The following BRCA1 variants were observed in gnomAD, a reference collection of about 807,000 sequenced individuals.
The protein encoded by BRCA1 is breast cancer type 1 susceptibility protein.
In BRCA1, 140 loss-of-function variants were observed where a neutral mutation model predicts 173.7. That is an observed-to-expected ratio of 0.81 (90% confidence interval 0.70 to 0.93). The LOEUF (loss-of-function observed/expected upper bound fraction) is 0.93. Ranked by LOEUF, BRCA1 falls within the 40% of genes least tolerant of loss-of-function variation. BRCA1 has a pLI of 0.00. For synonymous variants in BRCA1, 662 were observed against 756.0 expected, an observed-to-expected ratio of 0.88 and a Z score of 2.04; for missense variants, 1,983 against 2,172.5, an observed-to-expected ratio of 0.91 and a Z score of 1.73.
In BRCA1 at chr17:43,094,536, C is replaced by T. The variant is rs80357464; in HGVS notation, c.995G>A (p.Arg332Gln). 1.1e-5 allele frequency: 18 copies of T among 1,614,032 alleles called. No homozygotes were observed. The highest frequency in any genetic ancestry group is 8.9e-5 in the East Asian group (4 of 44,886). Residue 332 changes from arginine to glutamine, a missense_variant, in exon 10 of 23, where the codon CGG (arginine) becomes CAG (glutamine). By Grantham distance (43) the Arg-to-Gln change is conservative. Coordinates refer to ENST00000357654, the MANE Select transcript of BRCA1 (RefSeq NM_007294.4). ...AGSKETCNDR[R>Q]TPSTEKKVDL... ...TACCTTTTTTTCTGTGCTGGGAGTC[C>T]GCCTATCATTACATGTTTCCTTACT... is the stretch of plus-strand genomic sequence containing the variant.
At chr17:43,146,299 CTTTTTTTTTTTTTTTT>C (rs774223347) in intron 1 of BRCA1, among the ~76,000 whole-genome samples, 1 of 76,114 alleles carries the variant, frequency 1.3e-5, no homozygotes, top group African/African-American at 6.1e-5. Flanking sequence ...ATTTTTGTTA[CTTTTTTTTTTTTTTTT>C]TTTTTTTTTT....
At position 43,099,876 on chromosome 17, in the gene BRCA1, T is replaced by G. The variant is rs397507233; in HGVS notation, c.446A>C (p.Glu149Ala). ...QSEPENPSLQ[E>A]TSLSVQLSNL... ...AGAGAGTTGGACACTGAGACTGGTT[T>G]CCTGCTAAACAGTATGGTAAAGAAC... The change falls in exon 7 of 23, where the codon GAA (glutamate) becomes GCA (alanine). Residue 149 changes from glutamate (E) to alanine (A), a missense_variant. Physicochemically the swap from Glu to Ala is moderately radical, Grantham distance 107. Transcript: ENST00000357654. The G allele has an allele frequency of 9.9e-6, 16 of 1,610,368 alleles. No homozygotes were observed. The East Asian group carries it at 3.3e-4, about 34-fold the overall frequency.
chr17:43,068,506 T>C (rs2052246711), intron 15 of BRCA1, among the ~76,000 whole-genome samples: 1 of 149,794 alleles, frequency 6.7e-6, no homozygotes, highest in South Asian at 2.1e-4. Flanking sequence ...AGCTCAAGAG[T>C]CTGAGACCAA....
At chr17:43,077,335 C>CTTT (rs68171917) in intron 12 of BRCA1, among the ~76,000 whole-genome samples, 1 of 145,670 alleles carries the variant, frequency 6.9e-6, no homozygotes, top group Non-Finnish European at 1.5e-5. Flanking sequence ...CATGTTAGTT[C>CTTT]TTTTTTTTTT....
intron 9 of BRCA1, among the ~76,000 whole-genome samples, chr17:43,095,075 A>T (rs2054077562): frequency 6.7e-6 from 1 of 149,632 alleles, no homozygotes; most frequent in Non-Finnish European, 1.5e-5. Context: ...TAAATTTTTA[A>T]TTTCAGAATT....
intron 11 of BRCA1, 55 bp downstream of exon 11, chr17:43,090,889 C>T (rs2154248837): frequency 2.0e-6 from 3 of 1,469,846 alleles, no homozygotes; most frequent in Non-Finnish European, 1.9e-6. Flanking sequence ...ATACATACTA[C>T]TGAATGCAAA....
chr17:43,045,743 C>G lies in BRCA1; in HGVS notation c.5527G>C (p.Ala1843Pro), dbSNP rs80357019. The stretch of plus-strand genomic sequence containing the variant: ...TCCAGCTCCTGGCACTGGTAGAGTG[C>G]TACACTGTCCAACACCCACTCTCGG... ...VTREWVLDSV[A>P]LYQCQELDTY... Residue 1843 changes from alanine to proline, a missense_variant, in exon 23 of 23, where the codon GCA becomes CCA. Ala to Pro is a conservative substitution (Grantham distance 27). Transcript: ENST00000357654. The G allele has an allele frequency of 6.2e-7, 1 of 1,614,010 alleles. No individual in the cohort carries two copies. Among genetic ancestry groups the G allele is most frequent in the South Asian group, 1.1e-5 (1 of 91,064 alleles).
At chr17:43,102,948 CTTT>C (rs36085989) in intron 6 of BRCA1, among the ~76,000 whole-genome samples, 2 of 146,436 alleles carry the variant, frequency 1.4e-5, no homozygotes, top group Non-Finnish European at 1.5e-5. Flanking sequence ...CACCCAGCTA[CTTT>C]TTTTTTTTTT....
At chr17:43,120,525 G>C (rs1487132732) in intron 2 of BRCA1, among the ~76,000 whole-genome samples, 1 of 152,154 alleles carries the variant, frequency 6.6e-6, no homozygotes, top group African/African-American at 2.4e-5. Flanking sequence ...CAGCACTTTG[G>C]GAGGCCGAGG....
At chr17:43,100,229 G>A (rs752164835) in intron 6 of BRCA1, among the ~76,000 whole-genome samples, 1 of 151,636 alleles carries the variant, frequency 6.6e-6, no homozygotes, top group African/African-American at 2.4e-5. Context: ...TTTTTCTGTT[G>A]TCTTAAATTT....
At chr17:43,067,461 G>T in intron 16 of BRCA1, 147 bp downstream of exon 16, 1 of 644,526 alleles carries the variant, frequency 1.6e-6, no homozygotes, top group Non-Finnish European at 2.8e-6. Flanking sequence ...TCACCATGCT[G>T]GCCAGGATGG....
At chr17:43,070,353 T>C (rs952614334) in intron 15 of BRCA1, among the ~76,000 whole-genome samples, 9 of 152,180 alleles carry the variant, frequency 5.9e-5, no homozygotes, top group Non-Finnish European at 1.3e-4. Flanking sequence ...CTGGTCTTAA[T>C]ATTTTAATGG....
chr17:43,118,591 T>G (rs1305048413), intron 2 of BRCA1, among the ~76,000 whole-genome samples: 1 of 151,964 alleles, frequency 6.6e-6, no homozygotes, highest in African/African-American at 2.4e-5. Flanking sequence ...CAGCCATCTT[T>G]TTAATTTTTA....
chr17:43,102,817 T>A (rs1350137203), intron 6 of BRCA1, among the ~76,000 whole-genome samples: 1 of 152,118 alleles, frequency 6.6e-6, no homozygotes, highest in Non-Finnish European at 1.5e-5. Context: ...CATGCCCAGA[T>A]AATTTAAAAA....
At chr17:43,102,463 T>TCTC in intron 6 of BRCA1, among the ~76,000 whole-genome samples, 1 of 149,802 alleles carries the variant, frequency 6.7e-6, no homozygotes, top group East Asian at 2.0e-4. Flanking sequence ...TTCAAGTGAT[T>TCTC]CTCCATCCTC....
At chr17:43,149,382 G>A (rs574322950) in intron 1 of BRCA1, among the ~76,000 whole-genome samples, 21 of 151,794 alleles carry the variant, frequency 1.4e-4, no homozygotes, top group Non-Finnish European at 2.8e-4. Context: ...TTACAGGTGT[G>A]AGCCACCATG....
chr17:43,148,681 A>G (rs1381674755), intron 1 of BRCA1: 1 of 156,286 alleles, frequency 6.4e-6, no homozygotes, highest in Non-Finnish European at 1.5e-5. Context: ...ATCTGGATGT[A>G]TATGTGCAGG....
intron 19 of BRCA1, among the ~76,000 whole-genome samples, chr17:43,054,997 G>A (rs557974259): frequency 1.3e-5 from 2 of 152,252 alleles, no homozygotes; most frequent in Non-Finnish European, 2.9e-5. Flanking sequence ...TGATCCACCC[G>A]CCTTGGGCTC....
intron 1 of BRCA1, chr17:43,164,132 C>G (rs2056252696): frequency 6.6e-6 from 1 of 152,188 alleles, no homozygotes; most frequent in South Asian, 2.1e-4. Flanking sequence ...ATCTTGGTAT[C>G]CTGTCTTCAT....
Sources: allele counts gnomAD v4.1 joint callset (sites outside exome capture counted in the v4.1 genomes callset), GRCh38; gene constraint gnomAD v4.1.1; transcripts MANE v1.5; gene names NCBI Gene and HGNC (gene_info 2026-07-23, HGNC 2026-07-21).